Variants in SYT2 observed in about 807,000 individuals in gnomAD.
SYT2 encodes synaptotagmin-2.
SYT2 carries 15 observed loss-of-function variants against 39.9 expected under a neutral mutation model. The ratio of observed to expected loss-of-function variants is 0.38; its 90% CI spans 0.25 to 0.58. The LOEUF (loss-of-function observed/expected upper bound fraction) is 0.58. Ranked by LOEUF, SYT2 falls within the 20% of genes least tolerant of loss-of-function variation. The pLI is 0.70. For missense variants in SYT2, 389 were observed against 530.3 expected, an observed-to-expected ratio of 0.73 and a Z score of 2.62; for synonymous variants, 181 against 204.5, an observed-to-expected ratio of 0.89 and a Z score of 0.98.
At chr1:202,616,469 C>T (rs1300156375) in intron 1 of SYT2, among the ~76,000 whole-genome samples, 6 of 152,148 alleles carry the variant, frequency 3.9e-5, no homozygotes, top group Non-Finnish European at 5.9e-5. Flanking sequence ...TTCGTGACCA[C>T]GCACACACAC....
intron 1 of SYT2, among the ~76,000 whole-genome samples, chr1:202,699,079 G>A (rs1301691960): frequency 6.8e-6 from 1 of 147,954 alleles, no homozygotes; most frequent in Non-Finnish European, 1.5e-5. Context: ...ATGCAGTGCA[G>A]TGGTATGATC....
chr1:202,631,914 C>G, intron 1 of SYT2: 1 of 540,932 alleles, frequency 1.8e-6, no homozygotes, highest in Non-Finnish European at 2.4e-6. Context: ...AAATCTCTGA[C>G]ATCTCCATCC....
intron 1 of SYT2, among the ~76,000 whole-genome samples, chr1:202,621,389 T>C (rs1405913189): frequency 6.6e-6 from 1 of 152,084 alleles, no homozygotes; most frequent in Non-Finnish European, 1.5e-5. Flanking sequence ...TTCAAACTCC[T>C]GGGCCCAAGC....
intron 1 of SYT2, among the ~76,000 whole-genome samples, chr1:202,618,212 T>C (rs1691100601): frequency 1.3e-5 from 2 of 152,042 alleles, no homozygotes; most frequent in African/African-American, 4.8e-5. Context: ...TTGGGTCACA[T>C]TATGTCATTT....
At chr1:202,626,637 G>A (rs965866231) in intron 1 of SYT2, among the ~76,000 whole-genome samples, 2 of 151,892 alleles carry the variant, frequency 1.3e-5, no homozygotes, top group Admixed American at 6.6e-5. Context: ...AAAGTCCTGA[G>A]ATTACAGGCC....
rs547182947 is a variant in SYT2, at chr1:202,677,853, C to A, written c.-18+32405G>T. Among the ~76,000 whole-genome samples the A allele has an allele frequency of 3.3e-5, 5 of 152,240 alleles. No individual in the cohort carries two copies. In the East Asian group the frequency reaches 9.6e-4, roughly 29 times the overall value. ...ATCTCCAAAAGGGATTTTAGCTTTACCTGTGATGGCTTACATACATACCTA... is the reference window on the plus strand; with the variant it reads ...ATCTCCAAAAGGGATTTTAGCTTTAACTGTGATGGCTTACATACATACCTA... On this transcript the variant is annotated intron_variant, in intron 1 of 8. Coordinates refer to ENST00000367268, the MANE Select transcript of SYT2 (RefSeq NM_177402.5).
intron 1 of SYT2, among the ~76,000 whole-genome samples, chr1:202,670,289 G>C (rs796800354): frequency 6.6e-5 from 10 of 152,326 alleles, no homozygotes; most frequent in African/African-American, 2.4e-4. Context: ...CTGAAGCTGA[G>C]GAACCTAGGC....
At chr1:202,608,761 T>C (rs1353996438) in intron 1 of SYT2, among the ~76,000 whole-genome samples, 1 of 152,246 alleles carries the variant, frequency 6.6e-6, no homozygotes, top group Non-Finnish European at 1.5e-5. Flanking sequence ...CTTGGGTATA[T>C]ACATAGGTAT....
At chr1:202,691,268 C>T (rs1452562591) in intron 1 of SYT2, among the ~76,000 whole-genome samples, 1 of 152,166 alleles carries the variant, frequency 6.6e-6, no homozygotes, top group Non-Finnish European at 1.5e-5. Context: ...AAAGGGATGA[C>T]AGTTACACCT....
chr1:202,600,729 G>T (rs566653846), intron 6 of SYT2, among the ~76,000 whole-genome samples: 3 of 152,220 alleles, frequency 2.0e-5, no homozygotes, highest in African/African-American at 7.2e-5. Context: ...GACAGATGAG[G>T]GGGGTAGAGG....
At chr1:202,643,726 G>T (rs1372307098) in intron 1 of SYT2, among the ~76,000 whole-genome samples, 5 of 152,196 alleles carry the variant, frequency 3.3e-5, no homozygotes, top group African/African-American at 1.2e-4. Flanking sequence ...GGAGGGACTA[G>T]GCTGGGGGAG....
At chr1:202,692,417 TA>T (rs1275875475) in intron 1 of SYT2, among the ~76,000 whole-genome samples, 3 of 152,150 alleles carry the variant, frequency 2.0e-5, no homozygotes, top group African/African-American at 7.2e-5. Context: ...TCCCCTGCTC[TA>T]AACATTTCAA....
intron 1 of SYT2, among the ~76,000 whole-genome samples, chr1:202,662,230 A>T (rs568067881): frequency 7.5e-4 from 115 of 152,368 alleles, no homozygotes; most frequent in African/African-American, 2.6e-3. Flanking sequence ...GGCATAGTGT[A>T]TGCGAGTTGG....
chr1:202,618,474 C>T (rs528304977), intron 1 of SYT2, among the ~76,000 whole-genome samples: 11 of 151,964 alleles, frequency 7.2e-5, no homozygotes, highest in African/African-American at 2.4e-4. Context: ...GGGCATTGCA[C>T]ACAGCTTTGG....
In SYT2 at chr1:202,668,578, G is replaced by C. The variant is rs972045136; in HGVS notation, c.-18+41680C>G. ...CATAATGACAACATTCATTTATCAA[G>C]TGCTTACTACATGCCAGACCTGTGC... On this transcript the variant is annotated intron_variant, in intron 1 of 8. Transcript: ENST00000367268. Among the ~76,000 whole-genome samples the C allele has an allele frequency of 3.3e-5, 5 of 152,202 alleles. No individual in the cohort carries two copies. In the East Asian group the frequency reaches 7.7e-4, roughly 23 times the overall value.
At chr1:202,602,105 CT>C in intron 5 of SYT2, 48 bp from the exon 6 acceptor site, 1 of 1,604,750 alleles carries the variant, frequency 6.2e-7, no homozygotes, top group East Asian at 2.2e-5. Flanking sequence ...ACTCACGCAC[CT>C]CCAGGGGTGC....
At chr1:202,648,029 T>C (rs1316540231) in intron 1 of SYT2, among the ~76,000 whole-genome samples, 1 of 152,180 alleles carries the variant, frequency 6.6e-6, no homozygotes. Flanking sequence ...GTGACCTTGG[T>C]CAAGGCACTT....
chr1:202,684,086 G>A (rs1653596777), intron 1 of SYT2, among the ~76,000 whole-genome samples: 1 of 152,038 alleles, frequency 6.6e-6, no homozygotes, highest in East Asian at 1.9e-4. Context: ...ATATTTAGGT[G>A]TACAATGTGA....
chr1:202,640,778 GAGAGAGAGAGAGAGAC>G (rs1558443889), intron 1 of SYT2, among the ~76,000 whole-genome samples: 20 of 129,896 alleles, frequency 1.5e-4, no homozygotes, highest in South Asian at 2.4e-4. Flanking sequence ...GAGAGAGAGA[GAGAGAGAGAGAGAGAC>G]AGACAGACAG....
Sources: allele counts gnomAD v4.1 joint callset (sites outside exome capture counted in the v4.1 genomes callset), GRCh38; gene constraint gnomAD v4.1.1; transcripts MANE v1.5; gene names NCBI Gene and HGNC (gene_info 2026-07-23, HGNC 2026-07-21).